Variants in RAB3C observed in about 807,000 individuals in gnomAD.
RAB3C encodes the protein ras-related protein Rab-3C.
A neutral mutation model predicts 26.4 loss-of-function variants in RAB3C; 17 were observed. The ratio of observed to expected loss-of-function variants is 0.64; its 90% CI spans 0.44 to 0.97. The LOEUF is 0.97. Among genes scored for constraint, RAB3C ranks in the 50% least tolerant of loss-of-function variants. The pLI, the probability that RAB3C is intolerant of heterozygous loss-of-function variation, is 0.00. For missense variants in RAB3C, 242 were observed against 281.9 expected (o/e 0.86, Z 1.01); for synonymous variants, 91 against 95.9 (o/e 0.95, Z 0.30).
At chr5:58,619,943 C>A in intron 2 of RAB3C, among the ~76,000 whole-genome samples, 1 of 151,984 alleles carries the variant, frequency 6.6e-6, no homozygotes, top group East Asian at 1.9e-4. Context: ...CTGAGCCAAC[C>A]AAAGCTCAGA....
chr5:58,604,731 C>T (rs1207223729), intron 1 of RAB3C, among the ~76,000 whole-genome samples: 4 of 152,208 alleles, frequency 2.6e-5, no homozygotes, highest in African/African-American at 4.8e-5. Flanking sequence ...GGCTGTCTGC[C>T]TCCCAGCTGT....
At chr5:58,595,886 TAA>T (rs1246991987) in intron 1 of RAB3C, among the ~76,000 whole-genome samples, 1 of 152,174 alleles carries the variant, frequency 6.6e-6, no homozygotes. Context: ...ATTTTGTTGC[TAA>T]GAGAGAGGCC....
chr5:58,637,942 G>T (rs1284671075), intron 2 of RAB3C, among the ~76,000 whole-genome samples: 1 of 151,898 alleles, frequency 6.6e-6, no homozygotes, highest in Non-Finnish European at 1.5e-5. Context: ...TGAAATCCTG[G>T]TTATAAGTAG....
chr5:58,719,172 A>AT (rs992006482), intron 2 of RAB3C, among the ~76,000 whole-genome samples: 3 of 151,992 alleles, frequency 2.0e-5, no homozygotes, highest in Non-Finnish European at 2.9e-5. Flanking sequence ...ACTAATATAT[A>AT]TTTTTTGTCA....
chr5:58,630,342 A>G (rs1023845106), intron 2 of RAB3C, among the ~76,000 whole-genome samples: 3 of 152,262 alleles, frequency 2.0e-5, no homozygotes, highest in Non-Finnish European at 4.4e-5. Flanking sequence ...TATTGAGGTC[A>G]TCAATGACCT....
intron 3 of RAB3C, among the ~76,000 whole-genome samples, chr5:58,784,227 G>T (rs537185430): frequency 9.2e-5 from 14 of 152,186 alleles, no homozygotes; most frequent in Middle Eastern, 3.4e-3. Context: ...GGAGACCCTG[G>T]GTGTATTAGT....
At chr5:58,693,508 C>T (rs886351622) in intron 2 of RAB3C, among the ~76,000 whole-genome samples, 1 of 151,546 alleles carries the variant, frequency 6.6e-6, no homozygotes, top group South Asian at 2.1e-4. Flanking sequence ...CTTCTTTTTA[C>T]CCAAATGTAA....
At chr5:58,847,610 G>T (rs1449649683) in intron 4 of RAB3C, among the ~76,000 whole-genome samples, 2 of 152,096 alleles carry the variant, frequency 1.3e-5, no homozygotes, top group Non-Finnish European at 2.9e-5. Flanking sequence ...GCACCCATGG[G>T]CACACACAGT....
At chr5:58,727,317 T>C (rs1294325758) in intron 3 of RAB3C, among the ~76,000 whole-genome samples, 3 of 151,880 alleles carry the variant, frequency 2.0e-5, no homozygotes, top group East Asian at 1.9e-4. Flanking sequence ...AATAATACCA[T>C]TGGCAATAGC....
intron 2 of RAB3C, among the ~76,000 whole-genome samples, chr5:58,709,842 C>CA (rs1404116589): frequency 6.6e-6 from 1 of 152,088 alleles, no homozygotes. Flanking sequence ...TCAACATATC[C>CA]AAAAAACAAG....
intron 2 of RAB3C, among the ~76,000 whole-genome samples, chr5:58,689,045 C>T (rs932290717): frequency 6.6e-6 from 1 of 152,042 alleles, no homozygotes; most frequent in Admixed American, 6.6e-5. Flanking sequence ...ATTTAATCCC[C>T]ACAGAAGCTC....
chr5:58,766,648 C>T (rs1292752689), intron 3 of RAB3C, among the ~76,000 whole-genome samples: 1 of 152,108 alleles, frequency 6.6e-6, no homozygotes, highest in Non-Finnish European at 1.5e-5. Context: ...GTATTGCCAC[C>T]ATGACTATGT....
intron 4 of RAB3C, among the ~76,000 whole-genome samples, chr5:58,839,617 G>T (rs937229107): frequency 6.6e-6 from 1 of 151,974 alleles, no homozygotes; most frequent in Non-Finnish European, 1.5e-5. Context: ...TGATCCACCC[G>T]CCTCGGCCTC....
At chr5:58,730,503 A>T (rs1213134068) in intron 3 of RAB3C, among the ~76,000 whole-genome samples, 1 of 152,064 alleles carries the variant, frequency 6.6e-6, no homozygotes, top group Non-Finnish European at 1.5e-5. Context: ...ATAAGCACAA[A>T]GAAACACATT....
Position 58,728,697 on chromosome 5 carries a change from C to T in RAB3C, c.371+2577C>T, listed in dbSNP as rs563183837. 5.3e-5 allele frequency among the ~76,000 whole-genome samples: 8 copies of T among 152,116 alleles called. No individual in the cohort carries two copies. The East Asian group carries it at 7.8e-4, about 15-fold the overall frequency. ...TCTGGATCTACTAAATCAAATCTCC[C>T]GTGAGATACACGGGCATATGAATTT... On this transcript the variant is annotated intron_variant, in intron 3 of 4. Coordinates refer to ENST00000282878, the MANE Select transcript of RAB3C (RefSeq NM_138453.4).
At chr5:58,708,686 T>G (rs774730737) in intron 2 of RAB3C, among the ~76,000 whole-genome samples, 1 of 152,198 alleles carries the variant, frequency 6.6e-6, no homozygotes, top group African/African-American at 2.4e-5. Flanking sequence ...GAATTTGAAT[T>G]ATAGTCAGAC....
chr5:58,836,977 A>G (rs1743762382), intron 4 of RAB3C, among the ~76,000 whole-genome samples: 1 of 152,174 alleles, frequency 6.6e-6, no homozygotes, highest in African/African-American at 2.4e-5. Context: ...CATAGTGGTT[A>G]TACTAGTTTA....
At chr5:58,737,458 G>C (rs1368682018) in intron 3 of RAB3C, among the ~76,000 whole-genome samples, 1 of 85,926 alleles carries the variant, frequency 1.2e-5, no homozygotes, top group Admixed American at 1.4e-4. Context: ...TAATTTACTT[G>C]TTTACTGTGT....
chr5:58,716,660 G>A (rs569272389), intron 2 of RAB3C, among the ~76,000 whole-genome samples: 71 of 151,886 alleles, frequency 4.7e-4, no homozygotes, highest in African/African-American at 7.0e-4. Flanking sequence ...TAGTTTGCTC[G>A]GTAAAAAGCC....
Sources: allele counts gnomAD v4.1 joint callset (sites outside exome capture counted in the v4.1 genomes callset), GRCh38; gene constraint gnomAD v4.1.1; transcripts MANE v1.5; gene names NCBI Gene and HGNC (gene_info 2026-07-23, HGNC 2026-07-21).